The following WWP2 variants were observed in gnomAD, a reference collection of about 807,000 sequenced individuals.
The protein encoded by WWP2 is NEDD4-like E3 ubiquitin-protein ligase WWP2.
In WWP2, 57 loss-of-function variants were observed where a neutral mutation model predicts 121.0. The ratio of observed to expected loss-of-function variants is 0.47; its 90% CI spans 0.38 to 0.59. The LOEUF (loss-of-function observed/expected upper bound fraction) is 0.59, where lower values mean the gene tolerates loss of function less well. Ranked by LOEUF, WWP2 falls within the 20% of genes least tolerant of loss-of-function variation. The probability of loss-of-function intolerance (pLI) is 0.00; values close to 1 mark genes in which losing one functional copy is unlikely to be tolerated. For missense variants in WWP2, 962 were observed against 1,158.9 expected (o/e 0.83, Z 2.47); for synonymous variants, 449 against 441.3 (o/e 1.02, Z -0.22).
At chr16:69,782,239 C>T (rs961608167) in intron 1 of WWP2, among the ~76,000 whole-genome samples, 6 of 152,086 alleles carry the variant, frequency 3.9e-5, no homozygotes, top group Admixed American at 3.3e-4. Flanking sequence ...GCCAAGATAG[C>T]GCCACTGCAC....
intron 2 of WWP2, among the ~76,000 whole-genome samples, chr16:69,792,453 G>A (rs2151802525): frequency 6.6e-6 from 1 of 152,166 alleles, no homozygotes. Context: ...GTGACTCTGT[G>A]TATAAAGATA....
At chr16:69,851,997 A>T (rs2057224396) in intron 6 of WWP2, among the ~76,000 whole-genome samples, 1 of 151,830 alleles carries the variant, frequency 6.6e-6, no homozygotes, top group Non-Finnish European at 1.5e-5. Flanking sequence ...ACAAAACAAA[A>T]CAAAACAAAA....
intron 7 of WWP2, among the ~76,000 whole-genome samples, chr16:69,882,131 T>C (rs1442166605): frequency 6.6e-6 from 1 of 151,858 alleles, no homozygotes; most frequent in Non-Finnish European, 1.5e-5. Flanking sequence ...AAGTTTTGTA[T>C]TTTTAGTAGA....
intron 6 of WWP2, among the ~76,000 whole-genome samples, chr16:69,856,330 G>T (rs571096937): frequency 1.3e-5 from 2 of 152,270 alleles, no homozygotes; most frequent in Admixed American, 1.3e-4. Flanking sequence ...AGGGGCACAA[G>T]GAAATTTTGG....
At chr16:69,807,820 G>GT (rs2151826592) in intron 4 of WWP2, among the ~76,000 whole-genome samples, 1 of 152,030 alleles carries the variant, frequency 6.6e-6, no homozygotes, top group East Asian at 1.9e-4. Context: ...TTAGCCAGGT[G>GT]TGGTGTTGCA....
chr16:69,894,015 C>G (rs1018705658), intron 8 of WWP2, among the ~76,000 whole-genome samples: 2 of 152,106 alleles, frequency 1.3e-5, no homozygotes, highest in Non-Finnish European at 2.9e-5. Context: ...GTCTCCCTCA[C>G]TGAGTGACAG....
intron 1 of WWP2, among the ~76,000 whole-genome samples, chr16:69,769,294 G>C (rs1021984290): frequency 6.9e-6 from 1 of 144,776 alleles, no homozygotes; most frequent in Non-Finnish European, 1.5e-5. Flanking sequence ...TCCAGCCTGG[G>C]TGACAGAGCA....
At chr16:69,930,990 T>C (rs933970089) in intron 13 of WWP2, among the ~76,000 whole-genome samples, 162 bp from the exon 14 acceptor site, 9 of 152,200 alleles carry the variant, frequency 5.9e-5, no homozygotes, top group African/African-American at 2.2e-4. Flanking sequence ...ATTTCTAGAT[T>C]TTCTTTTTTA....
At chr16:69,771,340 C>G (rs1159255015) in intron 1 of WWP2, among the ~76,000 whole-genome samples, 1 of 152,102 alleles carries the variant, frequency 6.6e-6, no homozygotes, top group African/African-American at 2.4e-5. Context: ...CTCCGCCTCC[C>G]GGGTTCAAGC....
intron 10 of WWP2, among the ~76,000 whole-genome samples, chr16:69,920,186 A>C (rs577036086): frequency 1.3e-5 from 2 of 152,248 alleles, no homozygotes; most frequent in East Asian, 3.9e-4. Context: ...CTCATTGTAC[A>C]GGGAGGAAAC....
intron 10 of WWP2, among the ~76,000 whole-genome samples, chr16:69,921,620 G>A (rs1224747737): frequency 6.6e-6 from 1 of 152,048 alleles, no homozygotes; most frequent in African/African-American, 2.4e-5. Context: ...GTATCTTTTC[G>A]TTTGCTTGCT....
intron 8 of WWP2, among the ~76,000 whole-genome samples, chr16:69,896,294 C>G (rs965203717): frequency 2.0e-5 from 3 of 152,052 alleles, no homozygotes. Flanking sequence ...AATTTTTGTA[C>G]TTTTTGTAGA....
In WWP2 at chr16:69,937,524, A is replaced by T. The variant is rs1485119516; in HGVS notation, c.2239-24A>T. On this transcript the variant is annotated intron_variant, in intron 20 of 23. Coordinates refer to ENST00000359154, the MANE Select transcript of WWP2 (RefSeq NM_001270454.2). This position sits in a 1 kb window ranked among gnomAD's most constrained non-coding sequence, Gnocchi z 6.6. ...ATGCGCGGGGAGGGACCTGCCGGGG[A>T]TGCTGACTGCCGCCTCTCCCCAGCT... The T allele has an allele frequency of 1.9e-6, 3 of 1,612,862 alleles. No individual in the cohort carries two copies. The highest frequency in any genetic ancestry group is 2.2e-5 in the East Asian group (1 of 44,868).
At chr16:69,856,211 C>T (rs1259101635) in intron 6 of WWP2, among the ~76,000 whole-genome samples, 1 of 152,172 alleles carries the variant, frequency 6.6e-6, no homozygotes, top group Non-Finnish European at 1.5e-5. Flanking sequence ...GACATAGAAG[C>T]TTATGTTCTA....
chr16:69,931,423 G>C, intron 14 of WWP2, 86 bp from the exon 15 acceptor site: 1 of 1,570,248 alleles, frequency 6.4e-7, no homozygotes, highest in Non-Finnish European at 8.7e-7. Flanking sequence ...TGGCCCAGCA[G>C]GCTGGGGAAT....
chr16:69,933,815 A>C (rs750449137), intron 16 of WWP2, among the ~76,000 whole-genome samples, 155 bp from the exon 17 acceptor site: 3 of 152,206 alleles, frequency 2.0e-5, no homozygotes, highest in African/African-American at 7.2e-5. Flanking sequence ...CCAGCTGTTC[A>C]TATAGGTTAG....
At chr16:69,812,387 C>T (rs186968240) in intron 4 of WWP2, among the ~76,000 whole-genome samples, 12 of 151,128 alleles carry the variant, frequency 7.9e-5, no homozygotes, top group Non-Finnish European at 1.5e-4. Flanking sequence ...CTGGTCTTGA[C>T]CTCTTGACCT....
At chr16:69,779,077 G>A (rs11644914) in intron 1 of WWP2, among the ~76,000 whole-genome samples, 40,242 of 151,790 alleles carry the variant, frequency 0.27, 5,874 homozygotes, top group East Asian at 0.41. Context: ...AGCCTCCCAA[G>A]CAGCTGGGAT....
intron 7 of WWP2, among the ~76,000 whole-genome samples, chr16:69,876,008 G>A (rs894881712): frequency 6.6e-6 from 1 of 152,108 alleles, no homozygotes; most frequent in Admixed American, 6.6e-5. Context: ...AGGCTGGCAT[G>A]CAGTGGCATG....
Sources: gnomAD v4.1 joint callset for allele counts (sites outside exome capture counted in the v4.1 genomes callset) on GRCh38, gnomAD v4.1.1 for gene constraint, Gnocchi (gnomAD v3.1) non-coding constraint, MANE v1.5 for transcripts, NCBI Gene and HGNC (gene_info 2026-07-23, HGNC 2026-07-21) for gene names.